Variants in AKNAD1 observed in about 807,000 individuals in gnomAD.
The protein encoded by AKNAD1 is protein AKNAD1.
AKNAD1 carries 67 observed loss-of-function variants against 90.8 expected under a neutral mutation model. That is an observed-to-expected ratio of 0.74 (90% CI 0.61 to 0.90). AKNAD1 has a LOEUF of 0.90. Ranked by LOEUF, AKNAD1 falls within the 40% of genes least tolerant of loss-of-function variation. The probability of loss-of-function intolerance (pLI) is 0.00; values close to 1 mark genes in which losing one functional copy is unlikely to be tolerated. For synonymous variants in AKNAD1, 327 were observed against 341.4 expected (o/e 0.96, Z 0.46); for missense variants, 957 against 975.4 (o/e 0.98, Z 0.25).
At chr1:108,841,175 A>G (rs906987051) in intron 6 of AKNAD1, among the ~76,000 whole-genome samples, 3 of 151,956 alleles carry the variant, frequency 2.0e-5, no homozygotes, top group Non-Finnish European at 4.4e-5. Flanking sequence ...TCCATCTCAA[A>G]TAATAATAAT....
upstream of AKNAD1, chr1:108,857,938 C>T (rs1230190745): frequency 2.6e-5 from 4 of 152,402 alleles, no homozygotes; most frequent in African/African-American, 4.8e-5. Flanking sequence ...GCTTTAAGTA[C>T]ATTATCCATC....
intron 1 of AKNAD1, among the ~76,000 whole-genome samples, chr1:108,855,166 C>T (rs1664992911): frequency 6.6e-6 from 1 of 152,206 alleles, no homozygotes; most frequent in African/African-American, 2.4e-5. Context: ...GTAATCCCAG[C>T]ACTTTGGGCG....
intron 6 of AKNAD1, among the ~76,000 whole-genome samples, chr1:108,838,193 A>C (rs1664439971): frequency 6.6e-6 from 1 of 152,166 alleles, no homozygotes. Flanking sequence ...ATTTTCTTCA[A>C]ATCCATTACA....
chr1:108,837,764 A>G (rs1664430538), intron 6 of AKNAD1, 58 bp from the exon 7 acceptor site: 2 of 1,554,658 alleles, frequency 1.3e-6, no homozygotes, highest in South Asian at 1.1e-5. Flanking sequence ...ATTCTAATTA[A>G]TAATGACAGT....
intron 9 of AKNAD1, among the ~76,000 whole-genome samples, chr1:108,834,186 CA>C (rs1460101055): frequency 6.6e-6 from 1 of 152,112 alleles, no homozygotes; most frequent in African/African-American, 2.4e-5. Flanking sequence ...TGCATTTTAA[CA>C]AGATCTGCAG....
chr1:108,844,262 T>G (rs114152144), intron 5 of AKNAD1, among the ~76,000 whole-genome samples: 1 of 151,640 alleles, frequency 6.6e-6, no homozygotes, highest in African/African-American at 2.4e-5. Context: ...ACCTGGGAGG[T>G]TGAGGCAGGA....
At chr1:108,816,365 T>A in intron 15 of AKNAD1, 63 bp from the exon 16 acceptor site, 1 of 1,522,578 alleles carries the variant, frequency 6.6e-7, no homozygotes, top group East Asian at 2.4e-5. Flanking sequence ...GTTCTTTGGG[T>A]TCTCTCATTA....
chr1:108,818,864 G>A (rs987468175), intron 14 of AKNAD1, among the ~76,000 whole-genome samples: 3 of 151,122 alleles, frequency 2.0e-5, no homozygotes, highest in Non-Finnish European at 4.4e-5. Context: ...ACGGGAGGCT[G>A]AGGCAGGAGA....
chr1:108,843,275 G>A lies in AKNAD1; in HGVS notation c.1246-8C>T, dbSNP rs377465085. 4.5e-4 allele frequency: 730 copies of A among 1,612,802 alleles called. No individual in the cohort carries two copies. The highest frequency in any genetic ancestry group is 3.7e-3 in the African/African-American group (277 of 75,004). On this transcript the variant is annotated splice_polypyrimidine_tract_variant and splice_region_variant and intron_variant, in intron 5 of 15. Coordinates refer to ENST00000370001, the MANE Select transcript of AKNAD1 (RefSeq NM_152763.5). ...CTGCAGTTTCTCCAGGACCTGCAGC[G>A]GTGAAGTCACTGGAATCATTCACAT...
At chr1:108,846,708 C>T (rs1479313120) in intron 5 of AKNAD1, among the ~76,000 whole-genome samples, 3 of 152,118 alleles carry the variant, frequency 2.0e-5, no homozygotes, top group African/African-American at 7.2e-5. Context: ...GTCTCATCCA[C>T]TCCAGCGTCA....
chr1:108,818,918 C>G (rs561547721), intron 14 of AKNAD1, among the ~76,000 whole-genome samples: 1 of 148,302 alleles, frequency 6.7e-6, no homozygotes, highest in African/African-American at 2.5e-5. Context: ...GAGCCATGAT[C>G]GTGCCACTTC....
chr1:108,837,745 G>A (rs371088591), intron 6 of AKNAD1, 39 bp from the exon 7 acceptor site: 18 of 1,603,020 alleles, frequency 1.1e-5, no homozygotes, highest in Non-Finnish European at 1.5e-5. Context: ...TCTGGGCTAT[G>A]TGGTTGGCAT....
chr1:108,851,293 G>C (rs962166530), intron 2 of AKNAD1, among the ~76,000 whole-genome samples: 4 of 152,162 alleles, frequency 2.6e-5, no homozygotes, highest in Non-Finnish European at 5.9e-5. Context: ...AAACAAGCAG[G>C]TCTTTGGCAA....
At position 108,816,128 on chromosome 1, in the gene AKNAD1, T is replaced by C; in HGVS notation, c.*43A>G. Reference sequence around the variant, plus strand: ...CATTTTGGGGGAAGATCAAGTTTTCTTTGCATTTTTTTCTTTTGAATCCTT... The same window carrying C: ...CATTTTGGGGGAAGATCAAGTTTTCCTTGCATTTTTTTCTTTTGAATCCTT... On this transcript the variant is annotated 3_prime_UTR_variant, in exon 16 of 16. Coordinates refer to ENST00000370001, the MANE Select transcript of AKNAD1 (RefSeq NM_152763.5). The C allele has an allele frequency of 6.6e-7, 1 of 1,506,076 alleles. No homozygotes were observed. Among genetic ancestry groups the C allele is most frequent in the Non-Finnish European group, 8.9e-7 (1 of 1,129,038 alleles). 93.3% of individuals were successfully genotyped at this position (1,506,076 alleles called of 1,614,324 possible).
At chr1:108,839,412 G>A (rs1482699655) in intron 6 of AKNAD1, among the ~76,000 whole-genome samples, 12 of 144,712 alleles carry the variant, frequency 8.3e-5, no homozygotes, top group Middle Eastern at 3.5e-3. Context: ...GGCGGAGCTT[G>A]CAGCGAGCCA....
intron 9 of AKNAD1, among the ~76,000 whole-genome samples, chr1:108,831,833 C>T (rs1464664795): frequency 3.3e-5 from 5 of 152,010 alleles, no homozygotes; most frequent in Non-Finnish European, 5.9e-5. Flanking sequence ...ACCATGTTGG[C>T]CGGGCTGGTC....
intron 7 of AKNAD1, among the ~76,000 whole-genome samples, chr1:108,835,307 A>G (rs1664347417): frequency 6.6e-6 from 1 of 152,148 alleles, no homozygotes; most frequent in Admixed American, 6.5e-5. Context: ...ACTTTTGGTC[A>G]TATCCCATTA....
At chr1:108,839,904 A>C (rs147791441) in intron 6 of AKNAD1, among the ~76,000 whole-genome samples, 2,093 of 152,160 alleles carry the variant, frequency 0.014, 43 homozygotes, top group African/African-American at 0.048. Context: ...ATGCACCTGT[A>C]GTCCCTGCTA....
chr1:108,819,494 C>T (rs575551835), intron 14 of AKNAD1, among the ~76,000 whole-genome samples: 1 of 151,254 alleles, frequency 6.6e-6, no homozygotes, highest in East Asian at 2.0e-4. Context: ...GTATCACATG[C>T]CTGTACTCCC....
Sources: allele counts gnomAD v4.1 joint callset (sites outside exome capture counted in the v4.1 genomes callset), GRCh38; gene constraint gnomAD v4.1.1; transcripts MANE v1.5; gene names NCBI Gene and HGNC (gene_info 2026-07-23, HGNC 2026-07-21).